SMOC1: variants seen among roughly 807,000 people sequenced by gnomAD.
The protein encoded by SMOC1 is SPARC related modular calcium binding 1.
SMOC1 carries 22 observed loss-of-function variants against 56.3 expected under a neutral mutation model. That is an observed-to-expected ratio of 0.39 (90% CI 0.28 to 0.56). The LOEUF (loss-of-function observed/expected upper bound fraction) is 0.56. Among genes scored for constraint, SMOC1 ranks in the 20% least tolerant of loss-of-function variants. SMOC1 has a pLI of 0.61. For synonymous variants in SMOC1, 193 were observed against 215.0 expected, an observed-to-expected ratio of 0.90 and a Z score of 0.89; for missense variants, 509 against 565.4, an observed-to-expected ratio of 0.90 and a Z score of 1.01.
At chr14:69,913,756 C>A (rs1209566068) in intron 1 of SMOC1, among the ~76,000 whole-genome samples, 1 of 152,202 alleles carries the variant, frequency 6.6e-6, no homozygotes, top group Admixed American at 6.5e-5. Flanking sequence ...AAATCAATTT[C>A]TTTTCATGGC....
intron 1 of SMOC1, among the ~76,000 whole-genome samples, chr14:69,945,411 G>T (rs111664179): frequency 6.6e-6 from 1 of 152,116 alleles, no homozygotes; most frequent in Admixed American, 6.5e-5. Flanking sequence ...CAGAAGTTTG[G>T]TGCCAAAGAA....
intron 11 of SMOC1, among the ~76,000 whole-genome samples, chr14:70,028,292 T>C (rs1886004909): frequency 6.6e-6 from 1 of 152,158 alleles, no homozygotes; most frequent in Non-Finnish European, 1.5e-5. Context: ...AACTATCCGC[T>C]CTTCTTTTGC....
At chr14:69,943,610 C>G (rs192421290) in intron 1 of SMOC1, among the ~76,000 whole-genome samples, 1 of 152,178 alleles carries the variant, frequency 6.6e-6, no homozygotes, top group African/African-American at 2.4e-5. Context: ...GCGGCTGAGC[C>G]GCAGCTAGAC....
chr14:70,018,199 T>C (rs1013259357), intron 10 of SMOC1, among the ~76,000 whole-genome samples: 2 of 151,892 alleles, frequency 1.3e-5, no homozygotes, highest in African/African-American at 4.8e-5. Context: ...GAAGCAGGAT[T>C]GGAGGGGAGC....
At position 69,949,104 on chromosome 14, in the gene SMOC1, G is replaced by A. The variant is rs868158104; in HGVS notation, c.100-3034G>A. ...ACAGCCCTGCCCTCCAGGGAGGTCA[G>A]GCCCAGCTCAAGACACTCCTGATGA... On this transcript the variant is annotated intron_variant, in intron 1 of 11. Coordinates refer to ENST00000361956, the MANE Select transcript of SMOC1 (RefSeq NM_001034852.3). Among the ~76,000 whole-genome samples, 101 of 152,356 alleles carry A rather than the reference G, an allele frequency of 6.6e-4. No homozygotes were observed. In the Middle Eastern group the frequency reaches 0.014, roughly 21 times the overall value.
intron 1 of SMOC1, among the ~76,000 whole-genome samples, chr14:69,911,706 A>G (rs180803582): frequency 1.5e-4 from 23 of 152,348 alleles, no homozygotes; most frequent in African/African-American, 5.3e-4. Flanking sequence ...TTGGCTGAGT[A>G]GTATTCCATG....
chr14:69,926,230 T>C (rs1352381206), intron 1 of SMOC1, among the ~76,000 whole-genome samples: 1 of 152,188 alleles, frequency 6.6e-6, no homozygotes, highest in Non-Finnish European at 1.5e-5. Context: ...GTGATGAAGT[T>C]AAGCCACTCA....
At chr14:69,964,844 C>T (rs1466552519) in intron 3 of SMOC1, among the ~76,000 whole-genome samples, 2 of 152,078 alleles carry the variant, frequency 1.3e-5, no homozygotes, top group Non-Finnish European at 2.9e-5. Flanking sequence ...GTGTAGCTTG[C>T]CCAGGGTCTC....
intron 1 of SMOC1, 49 bp from the exon 2 acceptor site, chr14:69,952,089 T>C (rs1196811482): frequency 1.9e-6 from 3 of 1,608,710 alleles, no homozygotes; most frequent in Non-Finnish European, 2.6e-6. Flanking sequence ...TCGCCCCTAC[T>C]TTTCTTGCAA....
intron 3 of SMOC1, among the ~76,000 whole-genome samples, chr14:69,972,259 A>G (rs564705865): frequency 1.4e-4 from 22 of 152,230 alleles, no homozygotes; most frequent in Non-Finnish European, 2.9e-4. Flanking sequence ...GTCACCTTGA[A>G]AACTCCCTAG....
intron 1 of SMOC1, among the ~76,000 whole-genome samples, chr14:69,909,878 G>A (rs1450536660): frequency 6.6e-6 from 1 of 152,100 alleles, no homozygotes; most frequent in Non-Finnish European, 1.5e-5. Context: ...GAGGTTTTTG[G>A]GTCTAGCACT....
In SMOC1 at chr14:69,999,428, T is replaced by A. The variant is rs140895540; in HGVS notation, c.664+4948T>A. Among the ~76,000 whole-genome samples, 338 of 152,150 alleles carry A rather than the reference T, an allele frequency of 2.2e-3. 1 individual carries two copies. The highest frequency in any genetic ancestry group is 7.9e-3 in the African/African-American group (328 of 41,488). ...CTCGCAGGGAAACCAGCGGTAGCCG[T>A]CGTAAGCAAATACCCCATGGCCACC... On this transcript the variant is annotated intron_variant, in intron 7 of 11. Coordinates refer to ENST00000361956, the MANE Select transcript of SMOC1 (RefSeq NM_001034852.3).
intron 3 of SMOC1, among the ~76,000 whole-genome samples, chr14:69,956,448 C>CTTTTTT (rs3052655): frequency 2.3e-5 from 3 of 130,792 alleles, no homozygotes; most frequent in Middle Eastern, 3.9e-3. Context: ...CTTAGCTGGG[C>CTTTTTT]TTTTTTTTTT....
rs1308735483 is a variant in SMOC1 at position 69,955,366 on chromosome 14, G to A, written c.378+1834G>A. On this transcript the variant is annotated intron_variant, in intron 3 of 11. Transcript: ENST00000361956. ...GCCCCCACCCCTCAGGTAAGTCCCC[G>A]AGCTTCTCTGGGGTCAGAATTTCCT... Among the ~76,000 whole-genome samples, 3 of 152,078 alleles carry A rather than the reference G, an allele frequency of 2.0e-5. 1 individual carries two copies. Among genetic ancestry groups the A allele is most frequent in the South Asian group, 4.2e-4 (2 of 4,808 alleles).
intron 1 of SMOC1, among the ~76,000 whole-genome samples, chr14:69,905,022 G>A (rs1462415898): frequency 6.6e-6 from 1 of 152,164 alleles, no homozygotes; most frequent in African/African-American, 2.4e-5. Flanking sequence ...CTGTAATGAA[G>A]GGGGTGTTTT....
chr14:70,024,900 G>T (rs1369400742), intron 11 of SMOC1, among the ~76,000 whole-genome samples: 2 of 152,182 alleles, frequency 1.3e-5, no homozygotes, highest in Non-Finnish European at 2.9e-5. Context: ...GCAAGGCAGG[G>T]TCATCCAATA....
chr14:69,946,695 G>A (rs1466674233), intron 1 of SMOC1, among the ~76,000 whole-genome samples: 2 of 152,178 alleles, frequency 1.3e-5, no homozygotes, highest in African/African-American at 2.4e-5. Flanking sequence ...TCCTGGTTTT[G>A]ACCCATAAAT....
At chr14:69,934,703 A>C (rs190308722) in intron 1 of SMOC1, among the ~76,000 whole-genome samples, 1 of 152,322 alleles carries the variant, frequency 6.6e-6, no homozygotes, top group Admixed American at 6.5e-5. Flanking sequence ...TTACTAAATT[A>C]TGCAAAAACA....
At chr14:69,935,117 T>C (rs1213864109) in intron 1 of SMOC1, among the ~76,000 whole-genome samples, 1 of 152,234 alleles carries the variant, frequency 6.6e-6, no homozygotes, top group Non-Finnish European at 1.5e-5. Context: ...GTCTAGGTTT[T>C]AGATAAATGT....
Sources: gnomAD v4.1 joint callset for allele counts (sites outside exome capture counted in the v4.1 genomes callset) on GRCh38, gnomAD v4.1.1 for gene constraint, MANE v1.5 for transcripts, NCBI Gene and HGNC (gene_info 2026-07-23, HGNC 2026-07-21) for gene names.